The following RBM27 variants were observed in gnomAD, a reference collection of about 807,000 sequenced individuals.
RBM27 encodes the protein RNA-binding protein 27.
RBM27 carries 22 observed loss-of-function variants against 135.3 expected under a neutral mutation model. That is an observed-to-expected ratio of 0.16 (90% CI 0.12 to 0.23). The LOEUF is 0.23. Ranked by LOEUF, RBM27 falls within the 10% of genes least tolerant of loss-of-function variation. RBM27 has a pLI of 1.00. For synonymous variants in RBM27, 481 were observed against 442.4 expected (o/e 1.09, Z -1.10); for missense variants, 1,009 against 1,281.0 (o/e 0.79, Z 3.24).
In RBM27 at chr5:146,271,667, A is replaced by G. The variant is rs756580060; in HGVS notation, c.2981A>G (p.His994Arg). The change falls in exon 19 of 21, where the codon CAT becomes CGT. Residue 994 changes from histidine to arginine, a missense_variant. Around this residue, in one of 6 missense-constraint regions of RBM27, gnomAD observed 355 missense variants for 427.3 expected, o/e 0.83. Coordinates refer to ENST00000265271, the MANE Select transcript of RBM27 (RefSeq NM_018989.2). ...GAAGAAAAAGAAGACTTGCTTCAGC[A>G]TTTCTCAGTAAGTTTTTAAAATAGC... ...IEEEKEDLLQ[H>R]FSTANQGPKF... 3.1e-6 allele frequency: 5 copies of G among 1,611,132 alleles called. No homozygotes were observed. The highest frequency in any genetic ancestry group is 4.2e-6 in the Non-Finnish European group (5 of 1,177,782).
At chr5:146,257,845 TC>T (rs1183521184) in intron 10 of RBM27, among the ~76,000 whole-genome samples, 1 of 152,050 alleles carries the variant, frequency 6.6e-6, no homozygotes, top group East Asian at 1.9e-4. Flanking sequence ...AGACCGAATT[TC>T]ACTCTTGTTG....
chr5:146,234,895 A>C (rs771345855), intron 7 of RBM27, among the ~76,000 whole-genome samples: 2 of 151,866 alleles, frequency 1.3e-5, no homozygotes, highest in African/African-American at 2.4e-5. Flanking sequence ...TTAGCCAGGC[A>C]TGGTGGTGTG....
chr5:146,263,679 T>C, intron 14 of RBM27, 48 bp downstream of exon 14: 1 of 1,592,650 alleles, frequency 6.3e-7, no homozygotes, highest in Non-Finnish European at 8.6e-7. Flanking sequence ...ATTCAGTGAA[T>C]TAACAGAATA....
intron 2 of RBM27, among the ~76,000 whole-genome samples, chr5:146,220,574 T>C (rs1756415841): frequency 6.6e-6 from 1 of 151,544 alleles, no homozygotes; most frequent in Non-Finnish European, 1.5e-5. Context: ...GATTTAGCTA[T>C]TGGTGATGAG....
At position 146,261,689 on chromosome 5, in the gene RBM27, A is replaced by G. The variant is rs1052606307; in HGVS notation, c.2073A>G (p.Gln691=). Residue 691 remains glutamine, a synonymous_variant, in exon 13 of 21, where the codon CAA becomes CAG. Transcript: ENST00000265271. ...CCTCAGCACAGCTGCTCCTGCAACA[A>G]CAGCAAACACTTAGTCACCTCTCAC... ...LQSSAQLLLQ[Q]QQTLSHLSQQ... The G allele has an allele frequency of 5.0e-6, 8 of 1,614,062 alleles. No homozygotes were observed. Among genetic ancestry groups the G allele is most frequent in the Non-Finnish European group, 6.8e-6 (8 of 1,180,034 alleles).
At chr5:146,256,315 ATAT>A (rs1758099078) in intron 10 of RBM27, among the ~76,000 whole-genome samples, 1 of 146,490 alleles carries the variant, frequency 6.8e-6, no homozygotes, top group African/African-American at 2.5e-5. Flanking sequence ...ATTTATATAT[ATAT>A]TTTTATATAT....
chr5:146,259,728 C>T (rs1377785485), intron 11 of RBM27, among the ~76,000 whole-genome samples: 1 of 150,500 alleles, frequency 6.6e-6, no homozygotes, highest in Non-Finnish European at 1.5e-5. Flanking sequence ...AATCCCAGCA[C>T]TTTGGGAGGC....
At chr5:146,269,916 C>T (rs1052205700) in intron 17 of RBM27, among the ~76,000 whole-genome samples, 2 of 151,826 alleles carry the variant, frequency 1.3e-5, no homozygotes, top group East Asian at 3.9e-4. Flanking sequence ...TGCTCTGTAC[C>T]CTTTTTGGGA....
At chr5:146,228,278 C>CTTTTTTTTTTTTTTTTTTTTTTT (rs201464624) in intron 3 of RBM27, among the ~76,000 whole-genome samples, 2 of 116,860 alleles carry the variant, frequency 1.7e-5, no homozygotes, top group African/African-American at 7.0e-5. Context: ...AGGGACCATT[C>CTTTTTTTTTTTTTTTTTTTTTTT]TTTCTTTTTT....
At chr5:146,237,016 G>A (rs562735168) in intron 7 of RBM27, among the ~76,000 whole-genome samples, 14 of 128,466 alleles carry the variant, frequency 1.1e-4, no homozygotes, top group Admixed American at 3.8e-4. Context: ...TCGGCTCACC[G>A]CAACCTCCGC....
In RBM27 at chr5:146,220,495, T is replaced by A. The variant is rs377606109; in HGVS notation, c.178+1392T>A. Among the ~76,000 whole-genome samples the A allele has an allele frequency of 8.9e-3, 1,303 of 146,042 alleles. 17 individuals carry two copies. The highest frequency in any genetic ancestry group is 0.028 in the African/African-American group (1,107 of 39,686). On this transcript the variant is annotated intron_variant, in intron 2 of 20. Coordinates refer to ENST00000265271, the MANE Select transcript of RBM27 (RefSeq NM_018989.2). Reference sequence around the variant, plus strand: ...ATCTCAAAAAAAAAAAAAAAATATATATATATATATATATGTATGTATAGT... The same window carrying A: ...ATCTCAAAAAAAAAAAAAAAATATAAATATATATATATATGTATGTATAGT...
chr5:146,273,542 T>C (rs1223835551), intron 19 of RBM27, among the ~76,000 whole-genome samples: 1 of 152,156 alleles, frequency 6.6e-6, no homozygotes, highest in Non-Finnish European at 1.5e-5. Flanking sequence ...AGAAAGGGTA[T>C]TGAGTACTAG....
intron 4 of RBM27, 95 bp from the exon 5 acceptor site, chr5:146,229,622 A>G: frequency 2.9e-6 from 3 of 1,035,726 alleles, no homozygotes; most frequent in Non-Finnish European, 4.2e-6. Flanking sequence ...ATAGATATGC[A>G]TTTGGATGAC....
intron 7 of RBM27, 38 bp downstream of exon 7, chr5:146,233,781 G>A: frequency 1.5e-6 from 2 of 1,330,522 alleles, no homozygotes; most frequent in African/African-American, 1.5e-5. Flanking sequence ...CTAGCGTTCT[G>A]TTTAGAAGAA....
At chr5:146,263,401 T>C in intron 13 of RBM27, 90 bp from the exon 14 acceptor site, 2 of 1,316,318 alleles carry the variant, frequency 1.5e-6, no homozygotes, top group South Asian at 1.5e-5. Flanking sequence ...TTTTCTTATC[T>C]TCTTCCCTAG....
chr5:146,241,543 G>C (rs1757409273), intron 8 of RBM27, among the ~76,000 whole-genome samples: 2 of 152,108 alleles, frequency 1.3e-5, no homozygotes, highest in South Asian at 4.1e-4. Context: ...GTGCAGTGGC[G>C]CAACCTCCAC....
chr5:146,246,772 CATG>C (rs1757643578), intron 8 of RBM27, among the ~76,000 whole-genome samples: 1 of 151,898 alleles, frequency 6.6e-6, no homozygotes, highest in Non-Finnish European at 1.5e-5. Flanking sequence ...AGTGAATCTT[CATG>C]TACTTATTTC....
In RBM27 at chr5:146,255,403, T is replaced by C. The variant is rs1203974433; in HGVS notation, c.1594+311T>C. Among the ~76,000 whole-genome samples the C allele has an allele frequency of 1.1e-4, 17 of 152,276 alleles. No individual in the cohort carries two copies. The East Asian group carries it at 2.1e-3, about 19-fold the overall frequency. On this transcript the variant is annotated intron_variant, in intron 10 of 20. Coordinates refer to ENST00000265271, the MANE Select transcript of RBM27 (RefSeq NM_018989.2). Reference sequence around the variant, plus strand: ...TAGGCACTGTGTTAGATATTGTGTATAGAAAGATGAAATTACTGATCCCCT... The same window carrying C: ...TAGGCACTGTGTTAGATATTGTGTACAGAAAGATGAAATTACTGATCCCCT...
At chr5:146,222,585 G>T (rs10058583) in intron 2 of RBM27, among the ~76,000 whole-genome samples, 3 of 152,198 alleles carry the variant, frequency 2.0e-5, no homozygotes, top group African/African-American at 7.2e-5. Flanking sequence ...TCAGGAGGCC[G>T]AGGCAGGAGA....
Sources: allele counts gnomAD v4.1 joint callset (sites outside exome capture counted in the v4.1 genomes callset), GRCh38; gene constraint gnomAD v4.1.1; regional missense constraint gnomAD v4.1.1; transcripts MANE v1.5; gene names NCBI Gene and HGNC (gene_info 2026-07-23, HGNC 2026-07-21).